ANKRD55: variants seen among roughly 807,000 people sequenced by gnomAD.
ANKRD55 encodes the protein ankyrin repeat domain-containing protein 55.
A neutral mutation model predicts 60.6 loss-of-function variants in ANKRD55; 41 were observed. That is an observed-to-expected ratio of 0.68 (90% CI 0.53 to 0.88). ANKRD55 has a LOEUF of 0.88. ANKRD55 is among the 40% of genes least tolerant of loss of function. ANKRD55 has a pLI of 0.00. For missense variants in ANKRD55, 732 were observed against 767.6 expected (o/e 0.95, Z 0.55); for synonymous variants, 264 against 290.3 (o/e 0.91, Z 0.92).
intron 7 of ANKRD55, chr5:56,127,412 C>G (rs1046721106): frequency 1.0e-6 from 1 of 984,938 alleles, no homozygotes; most frequent in Non-Finnish European, 1.2e-6. Flanking sequence ...GACGTCAGAG[C>G]TAGAGTGATC....
chr5:56,163,508 T>G (rs1758381057), intron 5 of ANKRD55, among the ~76,000 whole-genome samples: 1 of 152,160 alleles, frequency 6.6e-6, no homozygotes, highest in Non-Finnish European at 1.5e-5. Context: ...GAGTAAGTGA[T>G]GTAAGACCCA....
intron 7 of ANKRD55, among the ~76,000 whole-genome samples, chr5:56,137,839 A>G (rs1757649349): frequency 6.6e-6 from 1 of 152,208 alleles, no homozygotes; most frequent in African/African-American, 2.4e-5. Context: ...GTAAGAAAAC[A>G]ACAATGATAT....
At chr5:56,200,207 G>C (rs1359890577) in intron 2 of ANKRD55, among the ~76,000 whole-genome samples, 25 of 151,980 alleles carry the variant, frequency 1.6e-4, no homozygotes, top group Admixed American at 1.6e-3. Context: ...ACAGAGCCTA[G>C]CATATCTATA....
At chr5:56,201,873 A>G (rs1458980267) in intron 2 of ANKRD55, among the ~76,000 whole-genome samples, 2 of 152,250 alleles carry the variant, frequency 1.3e-5, no homozygotes, top group Non-Finnish European at 2.9e-5. Flanking sequence ...ATTCACTGTT[A>G]GCAAAAACAT....
chr5:56,127,731 G>A (rs2111723251), intron 7 of ANKRD55: 1 of 242,760 alleles, frequency 4.1e-6, no homozygotes, highest in South Asian at 1.5e-4. Flanking sequence ...TCCAGATGGG[G>A]ACTACAGAAC....
chr5:56,114,221 T>G, intron 9 of ANKRD55: 1 of 168,996 alleles, frequency 5.9e-6, no homozygotes, highest in Non-Finnish European at 1.3e-5. Context: ...CCAGCCACTC[T>G]GGAGGCCGAG....
At chr5:56,105,812 G>A (rs961380073) in intron 10 of ANKRD55, among the ~76,000 whole-genome samples, 13 of 152,230 alleles carry the variant, frequency 8.5e-5, no homozygotes, top group African/African-American at 4.8e-5. Flanking sequence ...AGAGTGCATT[G>A]TTGGCTGAGA....
rs548928416 is a variant in ANKRD55, at chr5:56,134,440, G to C, written c.613-7334C>G. ...TGAAAATACAAAAAATTAGCCTGGC[G>C]TGGTGGCAGGCGCCTGTAATCCCAG... On this transcript the variant is annotated intron_variant, in intron 7 of 11. Coordinates refer to ENST00000341048, the MANE Select transcript of ANKRD55 (RefSeq NM_024669.3). Among the ~76,000 whole-genome samples the C allele has an allele frequency of 1.8e-5, 2 of 111,732 alleles. 1 individual carries two copies. The highest frequency in any genetic ancestry group is 5.8e-5 in the African/African-American group (2 of 34,326). 73.3% of individuals were successfully genotyped at this position (111,732 alleles called of 152,430 possible). A position where few individuals can be genotyped will look rare whatever the true frequency, so the allele number is the denominator to read the frequency against.
intron 2 of ANKRD55, among the ~76,000 whole-genome samples, chr5:56,202,317 G>GA (rs371937946): frequency 9.1e-4 from 130 of 143,564 alleles, no homozygotes; most frequent in African/African-American, 1.7e-3. Context: ...GAAAGTTAAA[G>GA]AAAAAAAAAA....
chr5:56,105,216 A>G (rs370102783), intron 10 of ANKRD55, among the ~76,000 whole-genome samples: 42 of 151,626 alleles, frequency 2.8e-4, no homozygotes, highest in African/African-American at 9.2e-4. Context: ...CCTCCTGAGT[A>G]GCTGGAACTA....
chr5:56,162,271 C>T (rs546470806), intron 5 of ANKRD55, among the ~76,000 whole-genome samples: 58 of 152,292 alleles, frequency 3.8e-4, no homozygotes, highest in African/African-American at 1.2e-3. Flanking sequence ...GTGGGATGAA[C>T]CGTGTGCCTA....
chr5:56,219,199 G>A (rs58693036), intron 2 of ANKRD55, among the ~76,000 whole-genome samples: 15,117 of 149,504 alleles, frequency 0.1, 1,389 homozygotes, highest in African/African-American at 0.25. Flanking sequence ...CTTAAACCCC[G>A]GAGGTGGAGG....
intron 2 of ANKRD55, among the ~76,000 whole-genome samples, chr5:56,184,362 G>C (rs1355409532): frequency 6.6e-6 from 1 of 152,204 alleles, no homozygotes; most frequent in East Asian, 1.9e-4. Context: ...CTTCTTAGCT[G>C]TAAGGATGGG....
At chr5:56,190,528 A>AT (rs977780126) in intron 2 of ANKRD55, among the ~76,000 whole-genome samples, 2 of 152,094 alleles carry the variant, frequency 1.3e-5, no homozygotes, top group African/African-American at 4.8e-5. Context: ...GTCCAAATAC[A>AT]TTTTTTTCCA....
chr5:56,166,044 G>A (rs1267345037), intron 5 of ANKRD55, among the ~76,000 whole-genome samples: 1 of 151,968 alleles, frequency 6.6e-6, no homozygotes, highest in Admixed American at 6.6e-5. Flanking sequence ...TCATACTCAT[G>A]AGCTGGCACT....
intron 2 of ANKRD55, among the ~76,000 whole-genome samples, chr5:56,210,560 C>CAAAAAAA (rs59566826): frequency 2.5e-4 from 16 of 65,164 alleles, no homozygotes; most frequent in East Asian, 4.0e-4. Flanking sequence ...GACTACGTCT[C>CAAAAAAA]AAAAAAAAAA....
At chr5:56,210,748 T>C (rs1759652727) in intron 2 of ANKRD55, among the ~76,000 whole-genome samples, 1 of 152,244 alleles carries the variant, frequency 6.6e-6, no homozygotes, top group Admixed American at 6.5e-5. Flanking sequence ...CATTTTTAAA[T>C]TGATTTCACT....
At chr5:56,142,622 C>A (rs1481940144) in intron 7 of ANKRD55, among the ~76,000 whole-genome samples, 1 of 152,202 alleles carries the variant, frequency 6.6e-6, no homozygotes, top group Non-Finnish European at 1.5e-5. Context: ...GCTTCTGGTG[C>A]CACTTTCATC....
Position 56,141,003 on chromosome 5 carries a change from C to T in ANKRD55, c.612+2798G>A, listed in dbSNP as rs529937959. On this transcript the variant is annotated intron_variant, in intron 7 of 11. Transcript: ENST00000341048. The stretch of plus-strand genomic sequence containing the variant: ...GCTTGAACCCGGGAGGCAGATGATG[C>T]AGTGAGCCAAGATCGCACCATTGCA... Among the ~76,000 whole-genome samples, 292 of 152,078 alleles carry T rather than the reference C, an allele frequency of 1.9e-3. 1 individual carries two copies. Among genetic ancestry groups the T allele is most frequent in the African/African-American group, 5.1e-3 (210 of 41,482 alleles).
Sources: allele counts gnomAD v4.1 joint callset (sites outside exome capture counted in the v4.1 genomes callset), GRCh38; gene constraint gnomAD v4.1.1; transcripts MANE v1.5; gene names NCBI Gene and HGNC (gene_info 2026-07-23, HGNC 2026-07-21).